Variants in CSMD3 observed in about 807,000 individuals in gnomAD.
The protein encoded by CSMD3 is CUB and sushi domain-containing protein 3.
Under a neutral mutation model 435.2 loss-of-function variants are expected in CSMD3, and 177 were observed. The observed-to-expected ratio is 0.41, with a 90% CI of 0.36 to 0.46. CSMD3 has a LOEUF of 0.46. Among genes scored for constraint, CSMD3 ranks in the 20% least tolerant of loss-of-function variants. CSMD3 has a pLI of 0.34. For synonymous variants in CSMD3, 1,656 were observed against 1,520.5 expected (o/e 1.09, Z -2.07); for missense variants, 4,265 against 4,504.6 (o/e 0.95, Z 1.52).
intron 53 of CSMD3, among the ~76,000 whole-genome samples, chr8:112,300,635 C>A (rs993323003): frequency 1.3e-5 from 2 of 152,006 alleles, no homozygotes; most frequent in Non-Finnish European, 2.9e-5. Context: ...GGAACTCCAT[C>A]CCTAGCCAGA....
intron 38 of CSMD3, among the ~76,000 whole-genome samples, chr8:112,354,539 T>A (rs1826414391): frequency 6.6e-6 from 1 of 152,184 alleles, no homozygotes; most frequent in Non-Finnish European, 1.5e-5. Flanking sequence ...ATTAGTAGCA[T>A]TTATATACAC....
At chr8:113,363,584 G>A (rs1465948448) in intron 1 of CSMD3, among the ~76,000 whole-genome samples, 2 of 152,054 alleles carry the variant, frequency 1.3e-5, no homozygotes, top group Non-Finnish European at 2.9e-5. Context: ...GGTGGCTGCT[G>A]GCTTGCTTTC....
chr8:112,971,434 T>C (rs2084652789), intron 7 of CSMD3, among the ~76,000 whole-genome samples: 1 of 152,176 alleles, frequency 6.6e-6, no homozygotes, highest in Admixed American at 6.5e-5. Context: ...AACTCAAAGT[T>C]GATAGTAAGC....
At position 112,682,427 on chromosome 8, in the gene CSMD3, C is replaced by CACT; in HGVS notation, c.2677+12_2677+14dup. The CACT allele has an allele frequency of 6.3e-7, 1 of 1,597,502 alleles. No individual in the cohort carries two copies. Among genetic ancestry groups the CACT allele is most frequent in the Non-Finnish European group, 8.6e-7 (1 of 1,166,814 alleles). On this transcript the variant is annotated intron_variant, in intron 16 of 70. Coordinates refer to ENST00000297405, the MANE Select transcript of CSMD3 (RefSeq NM_198123.2). ...TGATGATGAGGTTCTATTTCTCACTCACTACTACACTTACCTCCACATTTT... is the reference window on the plus strand; with the variant it reads ...TGATGATGAGGTTCTATTTCTCACTCACTACTACTACACTTACCTCCACATTTT...
At chr8:112,229,361 T>C (rs569909517) in intron 69 of CSMD3, among the ~76,000 whole-genome samples, 4 of 152,260 alleles carry the variant, frequency 2.6e-5, no homozygotes, top group Admixed American at 6.5e-5. Context: ...GAATAAACTA[T>C]GGCTAGACTC....
intron 68 of CSMD3, among the ~76,000 whole-genome samples, chr8:112,233,278 T>C (rs993447299): frequency 1.4e-4 from 22 of 152,142 alleles, no homozygotes; most frequent in African/African-American, 4.8e-4. Context: ...AAGCAAAGGA[T>C]ACCAAACCAC....
intron 3 of CSMD3, among the ~76,000 whole-genome samples, chr8:113,208,898 T>C (rs1481924530): frequency 6.6e-6 from 1 of 152,106 alleles, no homozygotes; most frequent in Non-Finnish European, 1.5e-5. Flanking sequence ...ATATTGAAAA[T>C]ATCAATGAGA....
chr8:113,146,815 T>G (rs946802461), intron 4 of CSMD3, among the ~76,000 whole-genome samples: 3 of 151,612 alleles, frequency 2.0e-5, no homozygotes, highest in Non-Finnish European at 4.4e-5. Context: ...GCATTAGGAA[T>G]ATGAAAAAGA....
At chr8:113,350,463 T>A (rs1159793896) in intron 1 of CSMD3, among the ~76,000 whole-genome samples, 1 of 152,112 alleles carries the variant, frequency 6.6e-6, no homozygotes, top group Non-Finnish European at 1.5e-5. Flanking sequence ...ACAAGTACTA[T>A]ACAAATGAAC....
chr8:113,145,491 T>A (rs1014536040), intron 4 of CSMD3, among the ~76,000 whole-genome samples: 3 of 151,612 alleles, frequency 2.0e-5, no homozygotes, highest in African/African-American at 7.3e-5. Flanking sequence ...ATCATTAGTG[T>A]TGCCATGGAA....
chr8:112,285,264 T>C (rs938328752), intron 58 of CSMD3, among the ~76,000 whole-genome samples: 3 of 152,250 alleles, frequency 2.0e-5, no homozygotes, highest in African/African-American at 7.2e-5. Context: ...CAATGTTGCA[T>C]GTATAATGAT....
chr8:113,223,786 G>T lies in CSMD3; in HGVS notation c.515-49870C>A, dbSNP rs1260699185. Among the ~76,000 whole-genome samples the T allele has an allele frequency of 2.0e-5, 3 of 148,138 alleles. No individual in the cohort carries two copies. The East Asian group carries it at 6.0e-4, about 29-fold the overall frequency. On this transcript the variant is annotated intron_variant, in intron 3 of 70. Coordinates refer to ENST00000297405, the MANE Select transcript of CSMD3 (RefSeq NM_198123.2). ...TATGTGTGTGTGTGTGTGTGTGTCG[G>T]TAAAGTATTCATGTATCTGTGTGTT... is the stretch of plus-strand genomic sequence containing the variant.
chr8:112,408,634 C>A (rs1227621270), intron 33 of CSMD3, among the ~76,000 whole-genome samples: 1 of 151,936 alleles, frequency 6.6e-6, no homozygotes, highest in Admixed American at 6.6e-5. Flanking sequence ...CATATTGCCT[C>A]ATTCTTCAAA....
chr8:113,436,719 A>G lies in CSMD3; in HGVS notation c.136T>C (p.Phe46Leu), dbSNP rs2130152547. Residue 46 changes from phenylalanine (F) to leucine (L), a missense_variant, in exon 1 of 71, where the codon TTT becomes CTT. By Grantham distance (22) the Phe-to-Leu change is conservative. Around this residue, in one of 3 missense-constraint regions of CSMD3, gnomAD observed 731 missense variants for 755.4 expected, o/e 0.97. Coordinates refer to ENST00000297405, the MANE Select transcript of CSMD3 (RefSeq NM_198123.2). ...KKMGIKSGFTFWNLVFLLTVS... is the reference protein window; with the variant it reads ...KKMGIKSGFTLWNLVFLLTVS... ...GTCAATAAAAAGACGAGGTTCCAAA[A>G]CGTAAATCCACTTTTAATCCCCATT... 1 of 1,614,124 alleles carries G rather than the reference A, an allele frequency of 6.2e-7. No homozygotes were observed. The highest frequency in any genetic ancestry group is 1.7e-5 in the Admixed American group (1 of 60,024).
At chr8:112,642,947 T>C (rs1009578207) in intron 20 of CSMD3, among the ~76,000 whole-genome samples, 1 of 152,162 alleles carries the variant, frequency 6.6e-6, no homozygotes, top group African/African-American at 2.4e-5. Context: ...AAACCACATT[T>C]TAAAGAGATA....
Position 113,223,785 on chromosome 8 carries a change from G to A in CSMD3, c.515-49869C>T, listed in dbSNP as rs544403245. Among the ~76,000 whole-genome samples, 95 of 143,958 alleles carry A rather than the reference G, an allele frequency of 6.6e-4. 1 individual carries two copies. Among genetic ancestry groups the A allele is most frequent in the African/African-American group, 2.3e-3 (87 of 38,344 alleles). 94.4% of individuals were successfully genotyped at this position (143,958 alleles called of 152,430 possible). A position where few individuals can be genotyped will look rare whatever the true frequency, so the allele number is the denominator to read the frequency against. On this transcript the variant is annotated intron_variant, in intron 3 of 70. Transcript: ENST00000297405. ...GTATGTGTGTGTGTGTGTGTGTGTC[G>A]GTAAAGTATTCATGTATCTGTGTGT...
intron 1 of CSMD3, among the ~76,000 whole-genome samples, chr8:113,434,723 A>T (rs943961142): frequency 3.3e-5 from 5 of 152,342 alleles, no homozygotes; most frequent in South Asian, 4.1e-4. Flanking sequence ...TAAACCGATT[A>T]TATCAGTCCA....
chr8:112,907,506 T>C (rs2082295426), intron 10 of CSMD3, among the ~76,000 whole-genome samples: 1 of 151,342 alleles, frequency 6.6e-6, no homozygotes, highest in African/African-American at 2.4e-5. Flanking sequence ...AATTATAGCA[T>C]TAATTACTTG....
intron 1 of CSMD3, 71 bp downstream of exon 1, chr8:113,436,606 G>T: frequency 1.4e-6 from 2 of 1,379,854 alleles, no homozygotes; most frequent in Non-Finnish European, 2.1e-6. Flanking sequence ...AAAGTAAGCT[G>T]CCAGCCTCTC....
Sources: allele counts gnomAD v4.1 joint callset (sites outside exome capture counted in the v4.1 genomes callset), GRCh38; gene constraint gnomAD v4.1.1; regional missense constraint gnomAD v4.1.1; transcripts MANE v1.5; gene names NCBI Gene and HGNC (gene_info 2026-07-23, HGNC 2026-07-21).